The following ADAM19 variants were observed in gnomAD, a reference collection of about 807,000 sequenced individuals.
The protein encoded by ADAM19 is disintegrin and metalloproteinase domain-containing protein 19.
In ADAM19, 65 loss-of-function variants were observed where a neutral mutation model predicts 114.7. That is an observed-to-expected ratio of 0.57 (90% CI 0.46 to 0.70). The LOEUF (loss-of-function observed/expected upper bound fraction) is 0.70. Ranked by LOEUF, ADAM19 falls within the 30% of genes least tolerant of loss-of-function variation. ADAM19 has a pLI of 0.00. For synonymous variants in ADAM19, 466 were observed against 460.5 expected, an observed-to-expected ratio of 1.01 and a Z score of -0.15; for missense variants, 1,063 against 1,204.7, an observed-to-expected ratio of 0.88 and a Z score of 1.74.
rs1029512138 is a variant in ADAM19 at position 157,494,911 on chromosome 5, C to T, written c.1595-116G>A. 1.3e-5 allele frequency: 9 copies of T among 718,580 alleles called. No individual in the cohort carries two copies. In the African/African-American group the frequency reaches 1.4e-4, roughly 11 times the overall value. The allele number at this position is 718,580 out of a possible 1,614,324, so 44.5% of individuals were successfully genotyped here. A position where few individuals can be genotyped will look rare whatever the true frequency, so the allele number is the denominator to read the frequency against. ...TATTTTCTGGGAGGGAATACTCAGCCTCTTCTTCCTGTTCCCTCCAGGTTA... is the reference window on the plus strand; with the variant it reads ...TATTTTCTGGGAGGGAATACTCAGCTTCTTCTTCCTGTTCCCTCCAGGTTA... On this transcript the variant is annotated intron_variant, in intron 14 of 22. Coordinates refer to ENST00000257527, the MANE Select transcript of ADAM19 (RefSeq NM_033274.5).
intron 2 of ADAM19, chr5:157,569,048 G>A (rs1757748504): frequency 6.6e-6 from 1 of 152,080 alleles, no homozygotes; most frequent in South Asian, 2.1e-4. Flanking sequence ...CATTCCTCAG[G>A]GGGTATGAAT....
rs1427337534 is a variant in ADAM19 at position 157,505,745 on chromosome 5, C to T, written c.1054G>A (p.Gly352Ser). ...TMAHEMGHNF[G>S]MTHDSADCCS... Reference sequence around the variant, plus strand: ...CAATCTGCAGAATCATGGGTCATGCCAAAGTTGTGGCCCATCTCGTGGGCC... The same window carrying T: ...CAATCTGCAGAATCATGGGTCATGCTAAAGTTGTGGCCCATCTCGTGGGCC... Residue 352 changes from glycine (G) to serine (S), a missense_variant, in exon 11 of 23, where the codon GGC (glycine) becomes AGC (serine). Transcript: ENST00000257527. The T allele has an allele frequency of 3.7e-6, 6 of 1,614,096 alleles. No individual in the cohort carries two copies. The highest frequency in any genetic ancestry group is 5.1e-6 in the Non-Finnish European group (6 of 1,179,998).
chr5:157,488,244 G>A (rs752703124), intron 21 of ADAM19, 21 bp downstream of exon 21: 30 of 1,605,248 alleles, frequency 1.9e-5, no homozygotes, highest in South Asian at 1.1e-4. Flanking sequence ...CCCAGCCCAA[G>A]GTTGCTGATT....
chr5:157,507,097 T>C lies in ADAM19; in HGVS notation c.949A>G (p.Met317Val). Reference sequence around the variant, plus strand: ...GACTGGTACACAGAGCACATGGCCATGAGGGGGGCCAGGCCGATGGTGGTG... The same window carrying C: ...GACTGGTACACAGAGCACATGGCCACGAGGGGGGCCAGGCCGATGGTGGTG... ...HGTTIGLAPL[M>V]AMCSVYQSGG... is the part of the protein sequence containing the mutation. The change falls in exon 10 of 23, where the codon ATG becomes GTG. Residue 317 changes from methionine (M) to valine (V), a missense_variant. By Grantham distance (21) the Met-to-Val change is conservative (BLOSUM62 1). Coordinates refer to ENST00000257527, the MANE Select transcript of ADAM19 (RefSeq NM_033274.5). The C allele has an allele frequency of 6.2e-7, 1 of 1,614,016 alleles. No individual in the cohort carries two copies. Among genetic ancestry groups the C allele is most frequent in the Non-Finnish European group, 8.5e-7 (1 of 1,179,934 alleles).
In ADAM19 at chr5:157,502,977, G is replaced by T. The variant is rs1336339298; in HGVS notation, c.1134C>A (p.His378Gln). The change falls in exon 12 of 23, where the codon CAC becomes CAA. Residue 378 changes from histidine (H) to glutamine (Q), a missense_variant. His to Gln is a conservative substitution (Grantham distance 24). This residue lies in a region of ADAM19 where 615 missense variants were observed against 706.3 expected (regional missense o/e 0.87). Transcript: ENST00000257527. Reference protein sequence around the residue: ...GGCIMAAATGHPFPKVFNGCN... With the variant: ...GGCIMAAATGQPFPKVFNGCN... ...ATCCATTGAACACTTTGGGAAAGGG[G>T]TGCCTGGCAGAGGACAAGGCTGGAA... 1.2e-6 allele frequency: 2 copies of T among 1,613,392 alleles called. No homozygotes were observed. Among genetic ancestry groups the T allele is most frequent in the African/African-American group, 2.7e-5 (2 of 74,902 alleles).
chr5:157,541,765 A>G (rs1410279343), intron 3 of ADAM19, among the ~76,000 whole-genome samples: 1 of 152,170 alleles, frequency 6.6e-6, no homozygotes, highest in African/African-American at 2.4e-5. Flanking sequence ...TCGTCAGACA[A>G]ATTTCAAATG....
chr5:157,566,400 T>C (rs369336443), intron 2 of ADAM19: 10 of 152,198 alleles, frequency 6.6e-5, no homozygotes, highest in African/African-American at 2.4e-4. Flanking sequence ...GGATCATGAG[T>C]TAATTTTGTT....
chr5:157,500,410 A>G (rs572365092), intron 12 of ADAM19, among the ~76,000 whole-genome samples: 1 of 152,302 alleles, frequency 6.6e-6, no homozygotes, highest in Non-Finnish European at 1.5e-5. Context: ...GTGTTTTTTT[A>G]CTTAATATAA....
At chr5:157,551,412 C>A (rs116673716) in intron 3 of ADAM19, among the ~76,000 whole-genome samples, 30,433 of 118,188 alleles carry the variant, frequency 0.26, 3,924 homozygotes, top group South Asian at 0.41. Flanking sequence ...CCCCCAACCC[C>A]AAAAAAAAAA....
intron 3 of ADAM19, among the ~76,000 whole-genome samples, chr5:157,541,104 C>G (rs1039594679): frequency 6.6e-6 from 1 of 152,170 alleles, no homozygotes; most frequent in Admixed American, 6.5e-5. Context: ...CTCTCAGAAC[C>G]AAAGGACGCT....
chr5:157,502,739 G>T, intron 12 of ADAM19, 64 bp downstream of exon 12: 1 of 1,558,342 alleles, frequency 6.4e-7, no homozygotes, highest in South Asian at 1.1e-5. Flanking sequence ...TGTTCTCTTT[G>T]ACCTTGAGTT....
At chr5:157,534,435 T>C (rs1026466362) in intron 4 of ADAM19, among the ~76,000 whole-genome samples, 15 of 152,176 alleles carry the variant, frequency 9.9e-5, no homozygotes, top group African/African-American at 3.6e-4. Context: ...GCTACTGCAC[T>C]CCAGTGTGGG....
chr5:157,566,844 AATT>A (rs551290787), intron 2 of ADAM19: 31 of 152,152 alleles, frequency 2.0e-4, no homozygotes, highest in African/African-American at 7.2e-4. Flanking sequence ...AGTATTTTTA[AATT>A]TTTTGTAGAT....
chr5:157,519,335 A>T (rs569731802), intron 6 of ADAM19, among the ~76,000 whole-genome samples: 1 of 151,958 alleles, frequency 6.6e-6, no homozygotes, highest in East Asian at 1.9e-4. Context: ...ATTTTTATTT[A>T]TTTTTCTGAG....
chr5:157,484,548 G>A (rs921300542), intron 21 of ADAM19, among the ~76,000 whole-genome samples: 11 of 152,132 alleles, frequency 7.2e-5, no homozygotes, highest in African/African-American at 9.7e-5. Context: ...TCACTACCAC[G>A]TATTAAAGTG....
At chr5:157,566,192 G>C (rs182168527) in intron 2 of ADAM19, 12 of 151,650 alleles carry the variant, frequency 7.9e-5, no homozygotes, top group Admixed American at 5.9e-4. Flanking sequence ...TTAAATAAAT[G>C]ATGATCCATT....
chr5:157,540,098 A>G (rs1034840261), intron 3 of ADAM19, among the ~76,000 whole-genome samples: 5 of 152,260 alleles, frequency 3.3e-5, no homozygotes, highest in African/African-American at 1.2e-4. Context: ...TGAGGATCAA[A>G]CAACATAATA....
Position 157,495,545 on chromosome 5 carries a change from T to C in ADAM19, c.1595-750A>G, listed in dbSNP as rs555012530. The stretch of plus-strand genomic sequence containing the variant: ...TTATTAACAGTATATTTTCTAAAGA[T>C]ACTTAAATCTCTAATTTCTGTATCT... On this transcript the variant is annotated intron_variant, in intron 14 of 22. Coordinates refer to ENST00000257527, the MANE Select transcript of ADAM19 (RefSeq NM_033274.5). 7.2e-5 allele frequency among the ~76,000 whole-genome samples: 11 copies of C among 152,360 alleles called. No individual in the cohort carries two copies. In the South Asian group the frequency reaches 1.4e-3, roughly 20 times the overall value.
chr5:157,498,086 A>C (rs1282144962), intron 13 of ADAM19, among the ~76,000 whole-genome samples: 1 of 152,226 alleles, frequency 6.6e-6, no homozygotes, highest in Non-Finnish European at 1.5e-5. Flanking sequence ...GATGCCGTGC[A>C]CATTCCGAGA....
Sources: gnomAD v4.1 joint callset for allele counts (sites outside exome capture counted in the v4.1 genomes callset) on GRCh38, gnomAD v4.1.1 for gene constraint, gnomAD v4.1.1 regional missense constraint, MANE v1.5 for transcripts, NCBI Gene and HGNC (gene_info 2026-07-23, HGNC 2026-07-21) for gene names.